DRD2: variants seen among roughly 807,000 people sequenced by gnomAD.
DRD2 encodes the protein D(2) dopamine receptor.
A neutral mutation model predicts 38.0 loss-of-function variants in DRD2; 8 were observed. The observed-to-expected ratio is 0.21, with a 90% CI of 0.12 to 0.38. The LOEUF is 0.38. Among genes scored for constraint, DRD2 ranks in the 10% least tolerant of loss-of-function variants. DRD2 has a pLI of 1.00. For missense variants in DRD2, 403 were observed against 607.7 expected (o/e 0.66, Z 3.54); for synonymous variants, 230 against 238.6 (o/e 0.96, Z 0.33).
At chr11:113,447,955 T>G (rs1441310389) in intron 1 of DRD2, among the ~76,000 whole-genome samples, 1 of 152,168 alleles carries the variant, frequency 6.6e-6, no homozygotes, top group Non-Finnish European at 1.5e-5. Flanking sequence ...AGGCCCTCCC[T>G]GCTTGTCAGT....
chr11:113,442,669 C>T (rs1408353270), intron 1 of DRD2, among the ~76,000 whole-genome samples: 1 of 152,208 alleles, frequency 6.6e-6, no homozygotes, highest in Non-Finnish European at 1.5e-5. Context: ...AATCTCTCTC[C>T]CTAAAGGTTC....
At chr11:113,448,959 C>T (rs1386849843) in intron 1 of DRD2, among the ~76,000 whole-genome samples, 1 of 152,180 alleles carries the variant, frequency 6.6e-6, no homozygotes, top group East Asian at 1.9e-4. Flanking sequence ...AGTCCACCTC[C>T]CAAAGCCATG....
chr11:113,442,282 G>T (rs1388871954), intron 1 of DRD2, among the ~76,000 whole-genome samples: 8 of 152,180 alleles, frequency 5.3e-5, no homozygotes, highest in African/African-American at 1.9e-4. Flanking sequence ...GCACCCAGCT[G>T]GTTTCACTCA....
chr11:113,461,326 G>T (rs996003836), intron 1 of DRD2, among the ~76,000 whole-genome samples: 11 of 152,166 alleles, frequency 7.2e-5, no homozygotes. Context: ...AGAGGTCCTT[G>T]ATCTTCTTCT....
At chr11:113,417,106 C>G (rs917726051) in intron 3 of DRD2, 107 bp from the exon 4 acceptor site, 4 of 1,471,284 alleles carry the variant, frequency 2.7e-6, no homozygotes, top group Non-Finnish European at 3.7e-6. Flanking sequence ...AAACAGTTGA[C>G]ACACCTCTAT....
chr11:113,430,690 C>G (rs561055412), intron 1 of DRD2, among the ~76,000 whole-genome samples: 1 of 152,166 alleles, frequency 6.6e-6, no homozygotes. Flanking sequence ...GCTTCTCCAT[C>G]CTGGCTGGAG....
intron 1 of DRD2, among the ~76,000 whole-genome samples, chr11:113,462,109 A>G (rs979966255): frequency 6.6e-6 from 1 of 152,014 alleles, no homozygotes; most frequent in African/African-American, 2.4e-5. Flanking sequence ...TCTTGTCCTC[A>G]TTTGCCTTCT....
chr11:113,446,087 C>T (rs1025719919), intron 1 of DRD2, among the ~76,000 whole-genome samples: 1 of 152,160 alleles, frequency 6.6e-6, no homozygotes, highest in South Asian at 2.1e-4. Context: ...CAGACCTCAG[C>T]GGCATGTTTC....
At chr11:113,431,595 C>T (rs984120044) in intron 1 of DRD2, among the ~76,000 whole-genome samples, 1 of 152,208 alleles carries the variant, frequency 6.6e-6, no homozygotes, top group Non-Finnish European at 1.5e-5. Flanking sequence ...GTGCTCAGGA[C>T]CCCTGCCTGT....
chr11:113,419,277 T>G (rs1950858199), intron 2 of DRD2, among the ~76,000 whole-genome samples: 1 of 152,176 alleles, frequency 6.6e-6, no homozygotes, highest in South Asian at 2.1e-4. Flanking sequence ...CTGCTCCTTC[T>G]TATACCCAGA....
chr11:113,423,384 T>A (rs917413933), intron 2 of DRD2, among the ~76,000 whole-genome samples: 1 of 152,198 alleles, frequency 6.6e-6, no homozygotes, highest in Non-Finnish European at 1.5e-5. Context: ...CAAGCAATTC[T>A]CCTGCCTCAG....
At chr11:113,449,040 C>T (rs1255354155) in intron 1 of DRD2, among the ~76,000 whole-genome samples, 1 of 152,208 alleles carries the variant, frequency 6.6e-6, no homozygotes, top group African/African-American at 2.4e-5. Context: ...AGTCCAGATT[C>T]TTTAGCTCTC....
intron 1 of DRD2, among the ~76,000 whole-genome samples, chr11:113,470,847 C>G (rs950978425): frequency 1.2e-4 from 19 of 152,296 alleles, no homozygotes; most frequent in African/African-American, 4.6e-4. Flanking sequence ...GCCTCAGACC[C>G]CAGTGTGTCA....
intron 2 of DRD2, among the ~76,000 whole-genome samples, chr11:113,420,048 G>T (rs1438955537): frequency 3.3e-5 from 5 of 151,948 alleles, no homozygotes; most frequent in Non-Finnish European, 7.4e-5. Flanking sequence ...GGCTTTCCTG[G>T]CATAAACAGA....
At chr11:113,416,108 G>A (rs12098980) in intron 4 of DRD2, among the ~76,000 whole-genome samples, 2,663 of 152,298 alleles carry the variant, frequency 0.017, 80 homozygotes, top group African/African-American at 0.06. Flanking sequence ...TCTACCAGAC[G>A]CCTGTCCTCT....
intron 1 of DRD2, among the ~76,000 whole-genome samples, chr11:113,439,468 A>G (rs1430875892): frequency 6.6e-6 from 1 of 152,176 alleles, no homozygotes; most frequent in East Asian, 1.9e-4. Flanking sequence ...ACCTGGAAAA[A>G]TATAGAATAT....
At chr11:113,464,510 G>A (rs1951350609) in intron 1 of DRD2, among the ~76,000 whole-genome samples, 1 of 152,158 alleles carries the variant, frequency 6.6e-6, no homozygotes, top group Non-Finnish European at 1.5e-5. Flanking sequence ...TCCAGCCCAA[G>A]TTGTGCCATG....
At chr11:113,461,545 C>T (rs927415377) in intron 1 of DRD2, among the ~76,000 whole-genome samples, 6 of 152,140 alleles carry the variant, frequency 3.9e-5, no homozygotes, top group African/African-American at 1.2e-4. Context: ...GAGGGATCCC[C>T]CAAGGCAGAC....
chr11:113,442,820 G>A (rs1157137542), intron 1 of DRD2, among the ~76,000 whole-genome samples: 2 of 152,182 alleles, frequency 1.3e-5, no homozygotes, highest in Non-Finnish European at 2.9e-5. Context: ...ATCGAGGTCT[G>A]GACTCTACCG....
Sources: allele counts gnomAD v4.1 joint callset (sites outside exome capture counted in the v4.1 genomes callset), GRCh38; gene constraint gnomAD v4.1.1; transcripts MANE v1.5; gene names NCBI Gene and HGNC (gene_info 2026-07-23, HGNC 2026-07-21).